SYCP2L: variants seen among roughly 807,000 people sequenced by gnomAD.
SYCP2L encodes synaptonemal complex protein 2-like.
A neutral mutation model predicts 125.8 loss-of-function variants in SYCP2L; 98 were observed. That is an observed-to-expected ratio of 0.78 (90% CI 0.66 to 0.92). The LOEUF (loss-of-function observed/expected upper bound fraction) is 0.92, where lower values mean the gene tolerates loss of function less well. Among genes scored for constraint, SYCP2L ranks in the 40% least tolerant of loss-of-function variants. The pLI, the probability that SYCP2L is intolerant of heterozygous loss-of-function variation, is 0.00. For synonymous variants in SYCP2L, 317 were observed against 325.4 expected, an observed-to-expected ratio of 0.97 and a Z score of 0.28; for missense variants, 842 against 936.4, an observed-to-expected ratio of 0.90 and a Z score of 1.32.
chr6:10,970,162 A>G lies in SYCP2L; in HGVS notation c.*38-3790A>G, dbSNP rs74746981. ...AACCAAGTGAAACCTCTCTAAGGATATGACATTTGAGCTGAAGTCTGAAGG... is the reference window on the plus strand; with the variant it reads ...AACCAAGTGAAACCTCTCTAAGGATGTGACATTTGAGCTGAAGTCTGAAGG... On this transcript the variant is annotated intron_variant, in intron 29 of 29. Coordinates refer to ENST00000283141, the MANE Select transcript of SYCP2L (RefSeq NM_001040274.3). Among the ~76,000 whole-genome samples the G allele has an allele frequency of 7.9e-3, 1,204 of 152,356 alleles. 20 individuals carry two copies. The highest frequency in any genetic ancestry group is 0.027 in the African/African-American group (1,118 of 41,588).
chr6:10,942,396 A>T, intron 21 of SYCP2L, 63 bp from the exon 22 acceptor site: 1 of 1,039,448 alleles, frequency 9.6e-7, no homozygotes, highest in Non-Finnish European at 1.4e-6. Context: ...CTAGAATGAT[A>T]GTGAATTCTT....
At chr6:10,953,489 G>A (rs540557946) in intron 23 of SYCP2L, among the ~76,000 whole-genome samples, 26 of 152,178 alleles carry the variant, frequency 1.7e-4, no homozygotes, top group African/African-American at 6.0e-4. Context: ...TAAAGCTTGT[G>A]ATGTTTCTCT....
intron 29 of SYCP2L, among the ~76,000 whole-genome samples, chr6:10,966,614 G>T (rs1781682153): frequency 6.6e-6 from 1 of 152,138 alleles, no homozygotes; most frequent in South Asian, 2.1e-4. Context: ...TAAGGACAAG[G>T]ACAGGGGAAA....
intron 17 of SYCP2L, 48 bp downstream of exon 17, chr6:10,927,415 A>G: frequency 6.7e-7 from 1 of 1,502,756 alleles, no homozygotes; most frequent in East Asian, 2.3e-5. Flanking sequence ...TTGAGAAATA[A>G]AGGGACGGAC....
chr6:10,962,657 C>A (rs967688166), intron 28 of SYCP2L, among the ~76,000 whole-genome samples: 7 of 152,116 alleles, frequency 4.6e-5, no homozygotes, highest in Middle Eastern at 3.2e-3. Context: ...AACAATAAAC[C>A]TTTTCGTGTT....
rs1780483244 is a variant in SYCP2L, at chr6:10,906,046, CTG to C, written c.671_672del (p.Val224GlyfsTer2). On this transcript the variant is annotated frameshift_variant, in exon 9 of 30. Transcript: ENST00000283141. LOFTEE classifies it high-confidence loss of function. Reference sequence around the variant, plus strand: ...AAAGACCTTGCAAGGACACTCTTGACTGTGGGTGGTAAGAAATTTTAGAATTT... The same window carrying C: ...AAAGACCTTGCAAGGACACTCTTGACTGGGTGGTAAGAAATTTTAGAATTT... 2 of 1,597,724 alleles carry C rather than the reference CTG, an allele frequency of 1.3e-6. No homozygotes were observed. Among genetic ancestry groups the C allele is most frequent in the East Asian group, 2.2e-5 (1 of 44,636 alleles).
chr6:10,970,863 G>C (rs913441558), intron 29 of SYCP2L, among the ~76,000 whole-genome samples: 2 of 152,098 alleles, frequency 1.3e-5, no homozygotes, highest in Non-Finnish European at 2.9e-5. Flanking sequence ...ACATTCTTGG[G>C]CTACTCCAGT....
chr6:10,956,011 A>G, intron 24 of SYCP2L, 125 bp from the exon 25 acceptor site: 2 of 709,014 alleles, frequency 2.8e-6, no homozygotes, highest in Non-Finnish European at 4.7e-6. Flanking sequence ...CCAGGCAGTC[A>G]GCGGGGCTTC....
chr6:10,923,155 C>T (rs909528220), intron 14 of SYCP2L, among the ~76,000 whole-genome samples: 11 of 151,136 alleles, frequency 7.3e-5, no homozygotes, highest in Admixed American at 4.0e-4. Flanking sequence ...CCTTGTTTCC[C>T]GTCTCATTAA....
chr6:10,939,447 G>A (rs890804644), intron 21 of SYCP2L, among the ~76,000 whole-genome samples: 9 of 152,158 alleles, frequency 5.9e-5, no homozygotes, highest in African/African-American at 2.2e-4. Context: ...AATAAAGCTG[G>A]AGGCATCACA....
chr6:10,888,513 G>T (rs1350549126), intron 1 of SYCP2L, among the ~76,000 whole-genome samples: 1 of 152,152 alleles, frequency 6.6e-6, no homozygotes, highest in African/African-American at 2.4e-5. Flanking sequence ...GCTGCCACAT[G>T]ATCTTCACAG....
chr6:10,934,351 G>A (rs539575416), intron 20 of SYCP2L, among the ~76,000 whole-genome samples: 25 of 152,292 alleles, frequency 1.6e-4, no homozygotes, highest in African/African-American at 6.0e-4. Flanking sequence ...TCCATTTGAG[G>A]GGAGCAGTAC....
At chr6:10,962,898 G>C (rs1781617999) in intron 28 of SYCP2L, among the ~76,000 whole-genome samples, 1 of 152,056 alleles carries the variant, frequency 6.6e-6, no homozygotes, top group South Asian at 2.1e-4. Flanking sequence ...AGCAAATAAT[G>C]TCTTAATGTT....
Position 10,925,442 on chromosome 6 carries a change from G to T in SYCP2L, c.1218+801G>T, listed in dbSNP as rs112320887. On this transcript the variant is annotated intron_variant, in intron 15 of 29. Coordinates refer to ENST00000283141, the MANE Select transcript of SYCP2L (RefSeq NM_001040274.3). Reference sequence around the variant, plus strand: ...GAAATGGTCTGTACTTCTCTAGATTGCTGTGGTCTCCAACTCTCTCTGTTT... The same window carrying T: ...GAAATGGTCTGTACTTCTCTAGATTTCTGTGGTCTCCAACTCTCTCTGTTT... 2.4e-3 allele frequency among the ~76,000 whole-genome samples: 365 copies of T among 152,296 alleles called. 3 individuals carry two copies. The highest frequency in any genetic ancestry group is 8.3e-3 in the African/African-American group (343 of 41,562).
At chr6:10,916,048 G>C (rs1780687457) in intron 14 of SYCP2L, among the ~76,000 whole-genome samples, 1 of 152,168 alleles carries the variant, frequency 6.6e-6, no homozygotes, top group African/African-American at 2.4e-5. Flanking sequence ...TTTAAGCTAG[G>C]AGGGTTGTAT....
intron 21 of SYCP2L, among the ~76,000 whole-genome samples, chr6:10,936,505 T>C (rs1031823793): frequency 2.6e-5 from 4 of 151,502 alleles, no homozygotes; most frequent in Non-Finnish European, 5.9e-5. Context: ...AAAAATAGAT[T>C]AAAAGGAAGG....
chr6:10,915,865 C>G (rs977997327), intron 14 of SYCP2L, among the ~76,000 whole-genome samples: 1 of 152,092 alleles, frequency 6.6e-6, no homozygotes, highest in Non-Finnish European at 1.5e-5. Flanking sequence ...CCCTTTTTCT[C>G]TATCTTGTGG....
At chr6:10,958,242 C>G (rs939755461) in intron 25 of SYCP2L, among the ~76,000 whole-genome samples, 7 of 151,826 alleles carry the variant, frequency 4.6e-5, no homozygotes, top group African/African-American at 1.7e-4. Flanking sequence ...TTAATTAGCT[C>G]AAGGTTCTGC....
chr6:10,917,600 A>G (rs1780714260), intron 14 of SYCP2L, among the ~76,000 whole-genome samples: 1 of 152,174 alleles, frequency 6.6e-6, no homozygotes, highest in Non-Finnish European at 1.5e-5. Flanking sequence ...TCATTCTGCA[A>G]TTCTGTATCT....
Sources: allele counts gnomAD v4.1 joint callset (sites outside exome capture counted in the v4.1 genomes callset), GRCh38; gene constraint gnomAD v4.1.1; transcripts MANE v1.5; gene names NCBI Gene and HGNC (gene_info 2026-07-23, HGNC 2026-07-21).